The following MTERF3 variants were observed in gnomAD, a reference collection of about 807,000 sequenced individuals.
The protein encoded by MTERF3 is mitochondrial transcription termination factor 3.
A neutral mutation model predicts 40.5 loss-of-function variants in MTERF3; 40 were observed. That is an observed-to-expected ratio of 0.99 (90% CI 0.77 to 1.29). The LOEUF is 1.29. Among genes scored for constraint, MTERF3 ranks in the 50% most tolerant of loss-of-function variants. The probability of loss-of-function intolerance (pLI) is 0.00; values close to 1 mark genes in which losing one functional copy is unlikely to be tolerated. For synonymous variants in MTERF3, 158 were observed against 166.6 expected (o/e 0.95, Z 0.40); for missense variants, 452 against 478.2 (o/e 0.95, Z 0.51).
intron 7 of MTERF3, among the ~76,000 whole-genome samples, chr8:96,242,163 G>A (rs148633659): frequency 2.3e-4 from 35 of 152,202 alleles, no homozygotes; most frequent in African/African-American, 6.7e-4. Flanking sequence ...CTTACTGTCC[G>A]TTAATGTATT....
intron 3 of MTERF3, 31 bp downstream of exon 3, chr8:96,256,931 C>A: frequency 1.3e-6 from 2 of 1,572,832 alleles, no homozygotes; most frequent in Non-Finnish European, 1.7e-6. Context: ...AGAGTACATG[C>A]AAAAAGTACT....
chr8:96,261,161 T>C (rs911038224), intron 1 of MTERF3, among the ~76,000 whole-genome samples: 1 of 152,200 alleles, frequency 6.6e-6, no homozygotes, highest in Non-Finnish European at 1.5e-5. Context: ...CGAAATGCTA[T>C]AAATGAAATC....
intron 3 of MTERF3, among the ~76,000 whole-genome samples, chr8:96,252,107 T>C (rs2129925873): frequency 6.6e-6 from 1 of 152,332 alleles, no homozygotes; most frequent in African/African-American, 2.4e-5. Flanking sequence ...GCCTTTCACC[T>C]TCTGCCATAA....
At chr8:96,255,694 G>T (rs962739512) in intron 3 of MTERF3, among the ~76,000 whole-genome samples, 1 of 150,060 alleles carries the variant, frequency 6.7e-6, no homozygotes, top group Non-Finnish European at 1.5e-5. Context: ...ACAGAGCACA[G>T]ATTTTTCTCT....
chr8:96,251,190 C>T (rs7814319), intron 3 of MTERF3, 95 bp from the exon 4 acceptor site: 473,930 of 965,494 alleles, frequency 0.49, 120,840 homozygotes, highest in African/African-American at 0.82. Flanking sequence ...TGGAGATCAA[C>T]ACCTATCCAA....
chr8:96,253,423 G>A (rs1350962332), intron 3 of MTERF3, among the ~76,000 whole-genome samples: 1 of 152,128 alleles, frequency 6.6e-6, no homozygotes, highest in Non-Finnish European at 1.5e-5. Context: ...CTGTCCTGTA[G>A]GTGCCTCCCA....
Position 96,255,285 on chromosome 8 carries a change from T to C in MTERF3, c.487+1677A>G, listed in dbSNP as rs192959024. 7.9e-5 allele frequency among the ~76,000 whole-genome samples: 12 copies of C among 152,070 alleles called. No individual in the cohort carries two copies. In the East Asian group the frequency reaches 2.3e-3, roughly 29 times the overall value. On this transcript the variant is annotated intron_variant, in intron 3 of 7. Coordinates refer to ENST00000287025, the MANE Select transcript of MTERF3 (RefSeq NM_015942.5). ...ATGGATTTGAAAGAAATAGAGAGGG[T>C]AGAATCCATAGGATAAGCTATTAAA...
chr8:96,261,188 T>G (rs1047779257), intron 1 of MTERF3, among the ~76,000 whole-genome samples: 15 of 151,956 alleles, frequency 9.9e-5, no homozygotes, highest in African/African-American at 3.4e-4. Context: ...GAAAGGGAGG[T>G]TATGGGGGCA....
chr8:96,251,660 G>C (rs1810187754), intron 3 of MTERF3, among the ~76,000 whole-genome samples: 1 of 152,108 alleles, frequency 6.6e-6, no homozygotes, highest in South Asian at 2.1e-4. Flanking sequence ...GTGAGAACAA[G>C]TGAACACATA....
At chr8:96,248,473 G>A (rs888186101) in intron 4 of MTERF3, among the ~76,000 whole-genome samples, 5 of 152,186 alleles carry the variant, frequency 3.3e-5, no homozygotes, top group Admixed American at 3.3e-4. Context: ...GCTACCAATT[G>A]TTATGTATTT....
At chr8:96,250,565 GCCAGGCATGGTGGCCA>G (rs1676915572) in intron 4 of MTERF3, among the ~76,000 whole-genome samples, 1 of 143,140 alleles carries the variant, frequency 7.0e-6, no homozygotes, top group Admixed American at 7.2e-5. Context: ...ACAAAAATTA[GCCAGGCATGGTGGCCA>G]CCTGTAGTCA....
chr8:96,254,131 C>CT (rs1810238901), intron 3 of MTERF3, among the ~76,000 whole-genome samples: 2 of 152,180 alleles, frequency 1.3e-5, no homozygotes, highest in South Asian at 4.1e-4. Context: ...CAGACATCAT[C>CT]TTTTTCCTGC....
chr8:96,239,573 A>C lies in MTERF3; in HGVS notation c.1172T>G (p.Val391Gly). 1.2e-6 allele frequency: 2 copies of C among 1,613,274 alleles called. No homozygotes were observed. Among genetic ancestry groups the C allele is most frequent in the Non-Finnish European group, 1.7e-6 (2 of 1,179,700 alleles). Residue 391 changes from valine (V) to glycine (G), a missense_variant, in exon 8 of 8, where the codon GTA becomes GGA. Transcript: ENST00000287025. Reference protein sequence around the residue: ...KPNYISLDKLVSIPDEIFCEE... With the variant: ...KPNYISLDKLGSIPDEIFCEE... Reference sequence around the variant, plus strand: ...ACAAAATATTTCATCAGGAATAGATACTAGTTTGTCCAAAGAGATGTAGTT... The same window carrying C: ...ACAAAATATTTCATCAGGAATAGATCCTAGTTTGTCCAAAGAGATGTAGTT...
At chr8:96,247,819 G>C (rs1448268648) in intron 4 of MTERF3, among the ~76,000 whole-genome samples, 9 of 151,866 alleles carry the variant, frequency 5.9e-5, no homozygotes, top group African/African-American at 1.9e-4. Context: ...TGACAATCTA[G>C]GAAAAATATC....
chr8:96,251,449 G>T (rs372160561), intron 3 of MTERF3, among the ~76,000 whole-genome samples: 1 of 152,142 alleles, frequency 6.6e-6, no homozygotes, highest in Non-Finnish European at 1.5e-5. Context: ...TGGTAATTCT[G>T]CAGGGTAACA....
intron 3 of MTERF3, 22 bp downstream of exon 3, chr8:96,256,940 C>T: frequency 6.3e-7 from 1 of 1,585,164 alleles, no homozygotes; most frequent in Non-Finnish European, 8.5e-7. Flanking sequence ...GCAAAAAGTA[C>T]TTGTAGTTTA....
rs1810293464 is a variant in MTERF3 at position 96,257,052 on chromosome 8, T to C, written c.397A>G (p.Ile133Val). Residue 133 changes from isoleucine (I) to valine (V), a missense_variant, in exon 3 of 8, where the codon ATT becomes GTT. Physicochemically the swap from Ile to Val is conservative, Grantham distance 29 (BLOSUM62 3). Transcript: ENST00000287025. ...GGTGGCAATGGAGGGTCTGCAATAATCTGAATAGCCTCTTCCTCTGAAATT... is the reference window on the plus strand; with the variant it reads ...GGTGGCAATGGAGGGTCTGCAATAACCTGAATAGCCTCTTCCTCTGAAATT... Reference protein sequence around the residue: ...QPISEEEAIQIIADPPLPPAS... With the variant: ...QPISEEEAIQVIADPPLPPAS... The C allele has an allele frequency of 6.2e-7, 1 of 1,614,034 alleles. No individual in the cohort carries two copies. Among genetic ancestry groups the C allele is most frequent in the African/African-American group, 1.3e-5 (1 of 75,042 alleles).
At chr8:96,245,719 A>G (rs1810007937) in intron 6 of MTERF3, 141 bp downstream of exon 6, 10 of 712,662 alleles carry the variant, frequency 1.4e-5, no homozygotes, top group Middle Eastern at 2.9e-4. Flanking sequence ...TTTGTTAAAG[A>G]TAATTTCCTA....
Position 96,245,879 on chromosome 8 carries a change from G to A in MTERF3, c.878C>T (p.Pro293Leu). The A allele has an allele frequency of 1.9e-6, 3 of 1,613,824 alleles. No individual in the cohort carries two copies. Among genetic ancestry groups the A allele is most frequent in the Non-Finnish European group, 2.5e-6 (3 of 1,179,896 alleles). Residue 293 changes from proline (P) to leucine (L), a missense_variant, in exon 6 of 8, where the codon CCC becomes CTC. Coordinates refer to ENST00000287025, the MANE Select transcript of MTERF3 (RefSeq NM_015942.5). The part of the protein sequence containing the change: ...LPRLLTGSLE[P>L]VKENMKVYRL... ...TCCTACCTTCATATTTTCTTTCACGGGTTCCAGACTTCCAGTTAGCAGCCT... is the reference window on the plus strand; with the variant it reads ...TCCTACCTTCATATTTTCTTTCACGAGTTCCAGACTTCCAGTTAGCAGCCT...
Sources: gnomAD v4.1 joint callset for allele counts (sites outside exome capture counted in the v4.1 genomes callset) on GRCh38, gnomAD v4.1.1 for gene constraint, MANE v1.5 for transcripts, NCBI Gene and HGNC (gene_info 2026-07-23, HGNC 2026-07-21) for gene names.